Variants in MBD5 observed in about 807,000 individuals in gnomAD.
The protein encoded by MBD5 is methyl-CpG-binding domain protein 5.
MBD5 carries 13 observed loss-of-function variants against 117.3 expected under a neutral mutation model. The observed-to-expected ratio is 0.11, with a 90% CI of 0.07 to 0.18. The LOEUF (loss-of-function observed/expected upper bound fraction) is 0.18, where lower values mean the gene tolerates loss of function less well. Among genes scored for constraint, MBD5 ranks in the 10% least tolerant of loss-of-function variants. The pLI is 1.00. For synonymous variants in MBD5, 727 were observed against 766.4 expected (o/e 0.95, Z 0.85); for missense variants, 1,879 against 2,093.8 (o/e 0.90, Z 2.00).
At chr2:148,480,270 A>C (rs889834177) in intron 8 of MBD5, among the ~76,000 whole-genome samples, 6 of 152,112 alleles carry the variant, frequency 3.9e-5, no homozygotes, top group Non-Finnish European at 8.8e-5. Flanking sequence ...TAATATTTAG[A>C]TATTTAGAGC....
intron 1 of MBD5, among the ~76,000 whole-genome samples, chr2:148,164,312 A>G (rs1216526426): frequency 6.6e-6 from 1 of 152,036 alleles, no homozygotes; most frequent in Non-Finnish European, 1.5e-5. Context: ...CCATTCTGGC[A>G]TTATAGTGGA....
At chr2:148,380,136 G>A (rs563751386) in intron 4 of MBD5, among the ~76,000 whole-genome samples, 73 of 152,114 alleles carry the variant, frequency 4.8e-4, no homozygotes, top group African/African-American at 1.5e-3. Context: ...GATAGGGAAG[G>A]TCACTGCATA....
At chr2:148,323,062 T>C (rs965400981) in intron 3 of MBD5, among the ~76,000 whole-genome samples, 17 of 151,108 alleles carry the variant, frequency 1.1e-4, no homozygotes, top group Admixed American at 3.3e-4. Flanking sequence ...GTTCTCATTG[T>C]ACAATTCCCA....
At chr2:148,075,250 A>G (rs1334380192) in intron 1 of MBD5, among the ~76,000 whole-genome samples, 1 of 152,176 alleles carries the variant, frequency 6.6e-6, no homozygotes, top group Non-Finnish European at 1.5e-5. Flanking sequence ...TTAAATATTC[A>G]GTCAGTTTTA....
At chr2:148,255,633 C>T (rs1700570649) in intron 3 of MBD5, among the ~76,000 whole-genome samples, 1 of 152,178 alleles carries the variant, frequency 6.6e-6, no homozygotes, top group Non-Finnish European at 1.5e-5. Context: ...TGTGTATCTA[C>T]AACTGAATGG....
intron 1 of MBD5, among the ~76,000 whole-genome samples, chr2:148,133,129 A>C (rs771043656): frequency 1.8e-4 from 27 of 152,232 alleles, no homozygotes; most frequent in Non-Finnish European, 3.4e-4. Context: ...ATGTGTCAGA[A>C]CACATAATTT....
chr2:148,349,769 A>C (rs901286797), intron 4 of MBD5, among the ~76,000 whole-genome samples: 3 of 152,018 alleles, frequency 2.0e-5, no homozygotes, highest in Non-Finnish European at 4.4e-5. Context: ...TTGCCATGAA[A>C]ATCTAATAAA....
chr2:148,453,615 G>A (rs1706792579), intron 4 of MBD5, among the ~76,000 whole-genome samples: 1 of 151,940 alleles, frequency 6.6e-6, no homozygotes, highest in Non-Finnish European at 1.5e-5. Context: ...AAACAAGGTG[G>A]GTCTTTGGGG....
At chr2:148,352,074 A>T (rs1419952374) in intron 4 of MBD5, among the ~76,000 whole-genome samples, 1 of 151,952 alleles carries the variant, frequency 6.6e-6, no homozygotes, top group Non-Finnish European at 1.5e-5. Flanking sequence ...CCTTAAAAAG[A>T]TTTGTGTATC....
chr2:148,447,206 A>AGAAAGGAAGAAG (rs1706579140), intron 4 of MBD5, among the ~76,000 whole-genome samples: 2 of 12,220 alleles, frequency 1.6e-4, no homozygotes, highest in African/African-American at 2.0e-4. Flanking sequence ...AAAGAAAGAA[A>AGAAAGGAAGAAG]GAAAGAAAGA....
intron 4 of MBD5, among the ~76,000 whole-genome samples, chr2:148,420,967 G>C (rs1296578755): frequency 6.6e-6 from 1 of 152,134 alleles, no homozygotes; most frequent in Non-Finnish European, 1.5e-5. Flanking sequence ...GGGCTCAAGT[G>C]ATCCACCTGT....
intron 1 of MBD5, among the ~76,000 whole-genome samples, chr2:148,093,547 A>G (rs1695993106): frequency 6.6e-6 from 1 of 152,344 alleles, no homozygotes; most frequent in East Asian, 1.9e-4. Flanking sequence ...AAAATTCATT[A>G]TTATACTGGG....
chr2:148,136,885 C>T (rs1697183260), intron 1 of MBD5, among the ~76,000 whole-genome samples: 1 of 152,142 alleles, frequency 6.6e-6, no homozygotes, highest in South Asian at 2.1e-4. Flanking sequence ...GCCTCAGCCT[C>T]CCAAGGAGCT....
At chr2:148,281,895 T>C (rs1310216589) in intron 3 of MBD5, among the ~76,000 whole-genome samples, 1 of 152,190 alleles carries the variant, frequency 6.6e-6, no homozygotes, top group African/African-American at 2.4e-5. Flanking sequence ...TCAAGTCTTT[T>C]GCCAGGTGGT....
At chr2:148,226,358 T>G (rs558122202) in intron 2 of MBD5, among the ~76,000 whole-genome samples, 55 of 152,086 alleles carry the variant, frequency 3.6e-4, no homozygotes, top group Non-Finnish European at 7.1e-4. Flanking sequence ...TGAGAACATG[T>G]GGTGTTTGGT....
At chr2:148,438,574 A>G (rs1451510669) in intron 4 of MBD5, among the ~76,000 whole-genome samples, 1 of 152,206 alleles carries the variant, frequency 6.6e-6, no homozygotes, top group East Asian at 1.9e-4. Flanking sequence ...AATCTATATT[A>G]GACAGAGTTT....
chr2:148,137,524 C>T (rs577329189), intron 1 of MBD5, among the ~76,000 whole-genome samples: 2 of 152,274 alleles, frequency 1.3e-5, no homozygotes, highest in Admixed American at 6.5e-5. Flanking sequence ...CTTTGGGAGG[C>T]TTAAGCAGGA....
At chr2:148,476,831 C>G (rs563708748) in intron 8 of MBD5, among the ~76,000 whole-genome samples, 76 of 152,214 alleles carry the variant, frequency 5.0e-4, no homozygotes, top group Non-Finnish European at 9.9e-4. Flanking sequence ...CTGCTCTGCT[C>G]ATTAAACAAA....
At chr2:148,166,146 G>T (rs1056606892) in intron 1 of MBD5, among the ~76,000 whole-genome samples, 18 of 152,166 alleles carry the variant, frequency 1.2e-4, no homozygotes, top group Middle Eastern at 3.4e-3. Context: ...GCTCTTTATG[G>T]TTGCACTTGC....
Sources: allele counts gnomAD v4.1 joint callset (sites outside exome capture counted in the v4.1 genomes callset), GRCh38; gene constraint gnomAD v4.1.1; transcripts MANE v1.5; gene names NCBI Gene and HGNC (gene_info 2026-07-23, HGNC 2026-07-21).